The following CIDEA variants were observed in gnomAD, a reference collection of about 807,000 sequenced individuals.
CIDEA encodes cell death inducing DFFA like effector a, also known as lipid transferase CIDEA.
CIDEA carries 10 observed loss-of-function variants against 18.2 expected under a neutral mutation model. That is an observed-to-expected ratio of 0.55 (90% confidence interval 0.34 to 0.93). CIDEA has a LOEUF of 0.93. Among genes scored for constraint, CIDEA ranks in the 40% least tolerant of loss-of-function variants. The pLI, the probability that CIDEA is intolerant of heterozygous loss-of-function variation, is 0.02. For synonymous variants in CIDEA, 128 were observed against 124.8 expected (o/e 1.03, Z -0.17); for missense variants, 309 against 293.1 (o/e 1.05, Z -0.40).
Position 12,274,120 on chromosome 18 carries a change from C to T in CIDEA, c.358C>T (p.Pro120Ser), listed in dbSNP as rs1795333519. Residue 120 changes from proline to serine, a missense_variant, in exon 4 of 5, where the codon CCG becomes TCG. By Grantham distance (74) the Pro-to-Ser change is moderately conservative. Coordinates refer to ENST00000320477, the MANE Select transcript of CIDEA (RefSeq NM_001279.4). ...PGSQHVPTCS[P>S]PKRSGIARVT... Reference sequence around the variant, plus strand: ...CAGCCAGCACGTCCCCACTTGCTCGCCGCCGAAGAGGTCGGGAATAGCGAG... The same window carrying T: ...CAGCCAGCACGTCCCCACTTGCTCGTCGCCGAAGAGGTCGGGAATAGCGAG... The T allele has an allele frequency of 6.2e-7, 1 of 1,614,120 alleles. No individual in the cohort carries two copies. The highest frequency in any genetic ancestry group is 8.5e-7 in the Non-Finnish European group (1 of 1,180,054).
intron 3 of CIDEA, among the ~76,000 whole-genome samples, chr18:12,268,664 A>G (rs1912429678): frequency 6.6e-6 from 1 of 152,108 alleles, no homozygotes. Context: ...TGCCTCCCAC[A>G]GTGCTGGGAT....
At chr18:12,275,778 C>G (rs1905309342) in intron 4 of CIDEA, among the ~76,000 whole-genome samples, 1 of 152,148 alleles carries the variant, frequency 6.6e-6, no homozygotes. Flanking sequence ...GTGGCTGACT[C>G]TAAACTACAG....
intron 1 of CIDEA, chr18:12,254,910 C>T: frequency 7.9e-7 from 1 of 1,260,246 alleles, no homozygotes; most frequent in Non-Finnish European, 1.0e-6. Context: ...GAAGCGCGGG[C>T]TCTGGTCTCC....
chr18:12,272,181 GT>G, intron 3 of CIDEA, among the ~76,000 whole-genome samples: 1 of 114,002 alleles, frequency 8.8e-6, no homozygotes, highest in East Asian at 2.5e-4. Context: ...GGTTGTTGTT[GT>G]TGTTGTTGTT....
At chr18:12,260,421 AG>A (rs2144062347) in intron 1 of CIDEA, among the ~76,000 whole-genome samples, 1 of 152,224 alleles carries the variant, frequency 6.6e-6, no homozygotes, top group East Asian at 1.9e-4. Flanking sequence ...CCTGGGCTCA[AG>A]TGACCCTCCT....
chr18:12,254,493 T>A, intron 1 of CIDEA, 72 bp downstream of exon 1: 1 of 1,559,366 alleles, frequency 6.4e-7, no homozygotes, highest in South Asian at 1.2e-5. Context: ...CATATTCCCC[T>A]GTGCGCCTCT....
At chr18:12,270,894 CTTTTTTTTT>C (rs771335202) in intron 3 of CIDEA, among the ~76,000 whole-genome samples, 18 of 60,018 alleles carry the variant, frequency 3.0e-4, no homozygotes, top group African/African-American at 1.1e-3. Context: ...TTTTTCTTTT[CTTTTTTTTT>C]TTTTTTTTTT....
Position 12,265,652 on chromosome 18 carries a change from A to G in CIDEA, c.330+1199A>G, listed in dbSNP as rs1047772317. 2.3e-4 allele frequency among the ~76,000 whole-genome samples: 35 copies of G among 152,286 alleles called. No homozygotes were observed. The East Asian group carries it at 3.7e-3, about 16-fold the overall frequency. On this transcript the variant is annotated intron_variant, in intron 3 of 4. Transcript: ENST00000320477. ...ATCAATGGAGGGGTTTGCTCATTGG[A>G]TTCTCTTTACTCCAGCCCCGTTTCC...
intron 3 of CIDEA, among the ~76,000 whole-genome samples, chr18:12,266,634 T>A (rs1013225265): frequency 8.5e-5 from 13 of 152,202 alleles, no homozygotes; most frequent in African/African-American, 2.9e-4. Flanking sequence ...TTGCCTGTGA[T>A]GTAACACAAA....
intron 1 of CIDEA, among the ~76,000 whole-genome samples, chr18:12,259,473 C>T (rs1204205444): frequency 1.3e-5 from 2 of 152,188 alleles, no homozygotes; most frequent in Non-Finnish European, 2.9e-5. Flanking sequence ...TTGACTGGCC[C>T]ACTTGGAGAA....
At chr18:12,270,854 G>A (rs1220393434) in intron 3 of CIDEA, among the ~76,000 whole-genome samples, 1 of 148,942 alleles carries the variant, frequency 6.7e-6, no homozygotes, top group Non-Finnish European at 1.5e-5. Context: ...ACAGACCACA[G>A]ACACCTCTGT....
chr18:12,255,097 C>G, intron 1 of CIDEA: 1 of 387,250 alleles, frequency 2.6e-6, no homozygotes, highest in South Asian at 2.6e-5. Flanking sequence ...GTCGAACAGG[C>G]AGCATTGGCT....
At chr18:12,271,765 G>A (rs532234016) in intron 3 of CIDEA, among the ~76,000 whole-genome samples, 69 of 152,208 alleles carry the variant, frequency 4.5e-4, no homozygotes, top group Non-Finnish European at 8.4e-4. Flanking sequence ...GCCACCTGTA[G>A]GCCTTTCTGG....
At chr18:12,273,680 C>A (rs186757363) in intron 3 of CIDEA, among the ~76,000 whole-genome samples, 1 of 152,304 alleles carries the variant, frequency 6.6e-6, no homozygotes, top group East Asian at 1.9e-4. Context: ...AAAATTGAAC[C>A]AATGCTGCCT....
At chr18:12,254,563 C>G (rs1911960740) in intron 1 of CIDEA, 142 bp downstream of exon 1, 1 of 1,509,726 alleles carries the variant, frequency 6.6e-7, no homozygotes, top group Non-Finnish European at 8.8e-7. Context: ...GCTCCGCGAC[C>G]CCGCGCACAC....
chr18:12,264,789 G>A (rs972776507), intron 3 of CIDEA, among the ~76,000 whole-genome samples: 3 of 152,088 alleles, frequency 2.0e-5, no homozygotes, highest in Non-Finnish European at 2.9e-5. Context: ...TCCTGACCTC[G>A]CGATCCGCCC....
chr18:12,276,245 C>T (rs1378627016), intron 4 of CIDEA, among the ~76,000 whole-genome samples: 2 of 149,392 alleles, frequency 1.3e-5, no homozygotes, highest in East Asian at 1.9e-4. Context: ...CCACCCACCT[C>T]GGTCTCCAAA....
At chr18:12,254,838 G>C (rs769003194) in intron 1 of CIDEA, 1 of 1,336,324 alleles carries the variant, frequency 7.5e-7, no homozygotes, top group South Asian at 1.2e-5. Flanking sequence ...CCGGGCTTCT[G>C]GGGGTCCTGG....
intron 1 of CIDEA, chr18:12,254,717 G>A: frequency 1.4e-6 from 2 of 1,478,022 alleles, no homozygotes; most frequent in Admixed American, 2.1e-5. Flanking sequence ...CTGCAAACCA[G>A]GTGACAGCTG....
Sources: allele counts gnomAD v4.1 joint callset (sites outside exome capture counted in the v4.1 genomes callset), GRCh38; gene constraint gnomAD v4.1.1; transcripts MANE v1.5; gene names NCBI Gene and HGNC (gene_info 2026-07-23, HGNC 2026-07-21).